Variants in MCPH1 observed in about 807,000 individuals in gnomAD.
MCPH1 encodes the protein microcephalin.
Under a neutral mutation model 84.5 loss-of-function variants are expected in MCPH1, and 104 were observed. The ratio of observed to expected loss-of-function variants is 1.23; its 90% CI spans 1.05 to 1.45. MCPH1 has a LOEUF of 1.45. Ranked by LOEUF, MCPH1 falls within the 40% of genes most tolerant of loss-of-function variation. The probability of loss-of-function intolerance (pLI) is 0.00; values close to 1 mark genes in which losing one functional copy is unlikely to be tolerated. For missense variants in MCPH1, 1,498 were observed against 1,005.7 expected, an observed-to-expected ratio of 1.49 and a Z score of -6.62; for synonymous variants, 514 against 366.8, an observed-to-expected ratio of 1.40 and a Z score of -4.58.
At chr8:6,641,291 T>A (rs530691971) in intron 13 of MCPH1, among the ~76,000 whole-genome samples, 2 of 152,326 alleles carry the variant, frequency 1.3e-5, no homozygotes, top group Admixed American at 6.5e-5. Context: ...TTTTACAACC[T>A]GGAAGAAAAT....
At chr8:6,519,809 A>T (rs2442622) in intron 12 of MCPH1, 196,076 of 1,593,152 alleles carry the variant, frequency 0.12, 15,455 homozygotes, top group African/African-American at 0.37. Context: ...TTCCTCACTC[A>T]CTAAAGTGGC....
At chr8:6,465,932 C>CATCT (rs1309320518) in intron 9 of MCPH1, among the ~76,000 whole-genome samples, 6 of 113,848 alleles carry the variant, frequency 5.3e-5, no homozygotes, top group Admixed American at 4.2e-4. Context: ...TCGATCCATC[C>CATCT]ATCCATCCAT....
intron 13 of MCPH1, among the ~76,000 whole-genome samples, chr8:6,631,654 T>TAAA (rs546705142): frequency 7.4e-6 from 1 of 134,452 alleles, no homozygotes; most frequent in African/African-American, 2.7e-5. Flanking sequence ...ATTGCTACTA[T>TAAA]AAAAAAAAAA....
At position 6,438,940 on chromosome 8, in the gene MCPH1, T is replaced by C. The variant is rs199814579; in HGVS notation, c.437-13T>C. Reference sequence around the variant, plus strand: ...CTTTTTGGTCTTAAAGTGGATTTTTTGTTTATTTTCAGATGATGATGTACC... The same window carrying C: ...CTTTTTGGTCTTAAAGTGGATTTTTCGTTTATTTTCAGATGATGATGTACC... On this transcript the variant is annotated splice_polypyrimidine_tract_variant and intron_variant, in intron 5 of 13. Coordinates refer to ENST00000344683, the MANE Select transcript of MCPH1 (RefSeq NM_024596.5). 1 of 1,610,786 alleles carries C rather than the reference T, an allele frequency of 6.2e-7. No homozygotes were observed. The highest frequency in any genetic ancestry group is 1.3e-5 in the African/African-American group (1 of 74,996).
At chr8:6,463,340 G>A (rs1328505838) in intron 9 of MCPH1, among the ~76,000 whole-genome samples, 1 of 152,168 alleles carries the variant, frequency 6.6e-6, no homozygotes, top group African/African-American at 2.4e-5. Context: ...AAAGAACTGA[G>A]ATCTTTGTGA....
At chr8:6,479,699 C>G (rs1277847850) in intron 10 of MCPH1, among the ~76,000 whole-genome samples, 2 of 151,882 alleles carry the variant, frequency 1.3e-5, no homozygotes, top group Non-Finnish European at 2.9e-5. Flanking sequence ...TTTAAATTTT[C>G]TGGGAGAGAG....
chr8:6,505,766 T>C (rs1813513713), intron 12 of MCPH1, among the ~76,000 whole-genome samples: 1 of 133,826 alleles, frequency 7.5e-6, no homozygotes, highest in South Asian at 2.3e-4. Context: ...ATATATAGAA[T>C]ATATATATTC....
intron 13 of MCPH1, among the ~76,000 whole-genome samples, chr8:6,637,100 C>A (rs144558421): frequency 1.4e-3 from 213 of 152,364 alleles, no homozygotes; most frequent in African/African-American, 4.8e-3. Context: ...TCAGGTCATT[C>A]ATTCATTTAC....
chr8:6,536,991 C>A lies in MCPH1; in HGVS notation c.2214+37062C>A, dbSNP rs867221595. ...GTACAAGAAAAAAAAAAAAAAAAAA[C>A]CAACCCAGTAAATAAGCCATCCTCC... is the stretch of plus-strand genomic sequence containing the variant. On this transcript the variant is annotated intron_variant, in intron 12 of 13. Coordinates refer to ENST00000344683, the MANE Select transcript of MCPH1 (RefSeq NM_024596.5). Among the ~76,000 whole-genome samples, 95 of 135,854 alleles carry A rather than the reference C, an allele frequency of 7.0e-4. 1 individual carries two copies. The South Asian group carries it at 0.015, about 22-fold the overall frequency. The allele number at this position is 135,854 out of a possible 152,430, so 89.1% of individuals were successfully genotyped here.
At chr8:6,642,921 A>G in intron 13 of MCPH1, 73 bp from the exon 14 acceptor site, 1 of 1,386,986 alleles carries the variant, frequency 7.2e-7, no homozygotes, top group Non-Finnish European at 1.0e-6. Flanking sequence ...TTTCATGTAT[A>G]TACAAACAGG....
chr8:6,609,828 C>CCCCCCCCCCCCCACA (rs1475345162), intron 12 of MCPH1, among the ~76,000 whole-genome samples: 4 of 108,804 alleles, frequency 3.7e-5, no homozygotes, highest in African/African-American at 5.9e-5. Flanking sequence ...CGCCCCCCCC[C>CCCCCCCCCCCCCACA]CACACACAGA....
intron 9 of MCPH1, chr8:6,474,028 A>G (rs1808113476): frequency 1.2e-6 from 1 of 837,018 alleles, no homozygotes; most frequent in South Asian, 1.4e-5. Flanking sequence ...TCTTCTCATT[A>G]TAACCCCTCA....
intron 13 of MCPH1, chr8:6,626,191 A>T (rs1832057616): frequency 1.0e-6 from 1 of 985,248 alleles, no homozygotes. Context: ...CCGCCACCCC[A>T]GCTGCCCCAC....
At chr8:6,514,838 A>C in intron 12 of MCPH1, 1 of 1,434,610 alleles carries the variant, frequency 7.0e-7, no homozygotes, top group Non-Finnish European at 9.8e-7. Context: ...CTTACGTAGC[A>C]GAAGCAGGAG....
intron 8 of MCPH1, among the ~76,000 whole-genome samples, chr8:6,448,108 G>A (rs1221253383): frequency 1.3e-5 from 2 of 152,016 alleles, no homozygotes; most frequent in East Asian, 3.9e-4. Context: ...CCCTCATAGA[G>A]GAAGACAAAT....
At chr8:6,426,499 C>T (rs1275520941) in intron 3 of MCPH1, among the ~76,000 whole-genome samples, 2 of 152,168 alleles carry the variant, frequency 1.3e-5, no homozygotes, top group Admixed American at 6.5e-5. Flanking sequence ...GCGATCTGTC[C>T]GTGTTGTTTG....
intron 13 of MCPH1, chr8:6,625,289 CCCT>C (rs1831950489): frequency 1.0e-6 from 1 of 985,330 alleles, no homozygotes; most frequent in African/African-American, 1.7e-5. Context: ...AGCGCAAATG[CCCT>C]GTGGCAGGCG....
intron 12 of MCPH1, among the ~76,000 whole-genome samples, chr8:6,582,645 C>T (rs1241056806): frequency 2.0e-5 from 3 of 152,202 alleles, no homozygotes; most frequent in African/African-American, 7.2e-5. Flanking sequence ...CCACCTCCAC[C>T]TCCGAGTTCC....
chr8:6,475,392 T>C (rs938648172), intron 9 of MCPH1, among the ~76,000 whole-genome samples: 7 of 152,360 alleles, frequency 4.6e-5, no homozygotes, highest in African/African-American at 1.4e-4. Flanking sequence ...GCAGACGCCC[T>C]TGTGGCTCTT....
Sources: gnomAD v4.1 joint callset for allele counts (sites outside exome capture counted in the v4.1 genomes callset) on GRCh38, gnomAD v4.1.1 for gene constraint, MANE v1.5 for transcripts, NCBI Gene and HGNC (gene_info 2026-07-23, HGNC 2026-07-21) for gene names.